PDE4B: variants seen among roughly 807,000 people sequenced by gnomAD.
PDE4B encodes the protein phosphodiesterase 4B.
A neutral mutation model predicts 82.2 loss-of-function variants in PDE4B; 20 were observed. The ratio of observed to expected loss-of-function variants is 0.24; its 90% CI spans 0.17 to 0.35. PDE4B has a LOEUF of 0.35. Ranked by LOEUF, PDE4B falls within the 10% of genes least tolerant of loss-of-function variation. The pLI is 1.00. For missense variants in PDE4B, 655 were observed against 907.2 expected (o/e 0.72, Z 3.57); for synonymous variants, 320 against 318.9 (o/e 1.00, Z -0.04).
intron 3 of PDE4B, among the ~76,000 whole-genome samples, chr1:66,151,059 G>C (rs1646383040): frequency 6.6e-6 from 1 of 152,116 alleles, no homozygotes; most frequent in Non-Finnish European, 1.5e-5. Flanking sequence ...TAATGAGTTG[G>C]AAAGTGTTTC....
chr1:65,804,087 G>C (rs530409662), intron 1 of PDE4B, among the ~76,000 whole-genome samples: 1 of 152,234 alleles, frequency 6.6e-6, no homozygotes, highest in East Asian at 1.9e-4. Context: ...TTCCTCTTTA[G>C]GCTTTTTAGG....
chr1:66,149,232 G>A (rs1443774607), intron 3 of PDE4B, among the ~76,000 whole-genome samples: 1 of 152,080 alleles, frequency 6.6e-6, no homozygotes, highest in Non-Finnish European at 1.5e-5. Context: ...ATGATGGTGA[G>A]TATCTTTTCA....
chr1:66,294,512 A>G (rs1305392108), intron 7 of PDE4B, among the ~76,000 whole-genome samples: 2 of 152,188 alleles, frequency 1.3e-5, no homozygotes, highest in African/African-American at 4.8e-5. Context: ...CGTAGCCCAA[A>G]TTAGCCAAAT....
At position 66,070,652 on chromosome 1, in the gene PDE4B, A is replaced by G. The variant is rs963011617; in HGVS notation, c.281+151817A>G. ...CAATTACCATAAAATATCGACCAAC[A>G]AAGATATTAGGAAGCAGGAAAGGAA... is the stretch of plus-strand genomic sequence containing the variant. On this transcript the variant is annotated intron_variant, in intron 3 of 16. Coordinates refer to ENST00000341517, the MANE Select transcript of PDE4B (RefSeq NM_002600.4). Among the ~76,000 whole-genome samples the G allele has an allele frequency of 3.9e-5, 6 of 152,154 alleles. No individual in the cohort carries two copies. In the South Asian group the frequency reaches 1.0e-3, roughly 26 times the overall value.
chr1:66,219,205 C>A lies in PDE4B; in HGVS notation c.282-28255C>A, dbSNP rs541060708. On this transcript the variant is annotated intron_variant, in intron 3 of 16. Coordinates refer to ENST00000341517, the MANE Select transcript of PDE4B (RefSeq NM_002600.4). ...TTTCTCCTGGAACATGGTGCAGTGG[C>A]GAGGGCAACATGATGGCAGGGGTTA... Among the ~76,000 whole-genome samples, 18 of 152,030 alleles carry A rather than the reference C, an allele frequency of 1.2e-4. 2 individuals carry two copies. The South Asian group carries it at 3.7e-3, about 32-fold the overall frequency.
intron 1 of PDE4B, among the ~76,000 whole-genome samples, chr1:65,874,058 G>T (rs529226072): frequency 6.6e-6 from 1 of 151,896 alleles, no homozygotes; most frequent in African/African-American, 2.4e-5. Context: ...AGCACGGAAT[G>T]TTCTTCCATT....
intron 3 of PDE4B, among the ~76,000 whole-genome samples, chr1:66,056,336 C>T (rs947255005): frequency 4.0e-5 from 6 of 150,444 alleles, no homozygotes; most frequent in African/African-American, 1.5e-4. Context: ...TGGCTGTGGT[C>T]AGAAGGGCAT....
chr1:65,825,103 GA>G (rs1645999010), intron 1 of PDE4B, among the ~76,000 whole-genome samples: 1 of 152,024 alleles, frequency 6.6e-6, no homozygotes, highest in African/African-American at 2.4e-5. Context: ...ATTAGAATTT[GA>G]AAAGCCAGAT....
intron 3 of PDE4B, among the ~76,000 whole-genome samples, chr1:66,127,667 C>G (rs951456466): frequency 6.6e-6 from 1 of 152,062 alleles, no homozygotes; most frequent in Non-Finnish European, 1.5e-5. Context: ...CAAGTATATT[C>G]AGGAGGTTGA....
intron 3 of PDE4B, among the ~76,000 whole-genome samples, chr1:65,930,960 G>A (rs975783299): frequency 6.6e-6 from 1 of 152,216 alleles, no homozygotes; most frequent in African/African-American, 2.4e-5. Context: ...CAAATCTCAT[G>A]TTCAATTGTA....
chr1:65,868,442 G>T (rs1483174096), intron 1 of PDE4B, among the ~76,000 whole-genome samples: 1 of 152,208 alleles, frequency 6.6e-6, no homozygotes. Flanking sequence ...ATTAGCCAGA[G>T]TTTCAAAGGA....
At chr1:66,046,604 G>A (rs1171250646) in intron 3 of PDE4B, among the ~76,000 whole-genome samples, 3 of 151,784 alleles carry the variant, frequency 2.0e-5, no homozygotes, top group South Asian at 2.1e-4. Flanking sequence ...CATGTCTGGC[G>A]AAAGTCAGCA....
rs1654809470 is a variant in PDE4B, at chr1:66,048,017, T to A, written c.281+129182T>A. 2.0e-5 allele frequency among the ~76,000 whole-genome samples: 3 copies of A among 151,892 alleles called. No individual in the cohort carries two copies. The South Asian group carries it at 6.2e-4, about 31-fold the overall frequency. ...TTCTTTCTTTGGATGGCGTCTACAG[T>A]TTGTCCTTGGCAGACCATTGCTATT... is the stretch of plus-strand genomic sequence containing the variant. On this transcript the variant is annotated intron_variant, in intron 3 of 16. Coordinates refer to ENST00000341517, the MANE Select transcript of PDE4B (RefSeq NM_002600.4).
At chr1:65,846,918 A>C (rs1646273886) in intron 1 of PDE4B, among the ~76,000 whole-genome samples, 1 of 152,200 alleles carries the variant, frequency 6.6e-6, no homozygotes, top group African/African-American at 2.4e-5. Context: ...AAAACAGTAC[A>C]TTCTTTGTGT....
At chr1:65,842,421 GTGGTATAATAAAACA>G (rs1362264448) in intron 1 of PDE4B, among the ~76,000 whole-genome samples, 6 of 152,088 alleles carry the variant, frequency 3.9e-5, no homozygotes. Flanking sequence ...GTCTTATTGA[GTGGTATAATAAAACA>G]TGCAAACAAC....
intron 3 of PDE4B, among the ~76,000 whole-genome samples, chr1:66,072,187 A>G (rs1656189109): frequency 6.6e-6 from 1 of 152,150 alleles, no homozygotes; most frequent in Non-Finnish European, 1.5e-5. Context: ...CTGAAGGTCC[A>G]TGAATACCAT....
Position 66,115,592 on chromosome 1 carries a change from A to G in PDE4B, c.282-131868A>G, listed in dbSNP as rs146049282. 1.3e-3 allele frequency among the ~76,000 whole-genome samples: 196 copies of G among 152,354 alleles called. 1 individual carries two copies. Among genetic ancestry groups the G allele is most frequent in the Middle Eastern group, 3.4e-3 (1 of 294 alleles). ...TGTTAATCAAACATGAAATTGTCTC[A>G]TATAGAATATAGAATGCCAGACTAT... On this transcript the variant is annotated intron_variant, in intron 3 of 16. Transcript: ENST00000341517.
At chr1:66,277,544 C>T (rs190257716) in intron 7 of PDE4B, among the ~76,000 whole-genome samples, 51 of 152,140 alleles carry the variant, frequency 3.4e-4, no homozygotes, top group African/African-American at 4.3e-4. Flanking sequence ...TACAGGTGTG[C>T]GCCACCACGC....
At chr1:66,319,878 G>GCATGCTATTC (rs1659280422) in intron 7 of PDE4B, among the ~76,000 whole-genome samples, 7 of 152,086 alleles carry the variant, frequency 4.6e-5, no homozygotes. Context: ...GTTTCCAATG[G>GCATGCTATTC]TTCCTTCTTG....
Sources: gnomAD v4.1 joint callset for allele counts (sites outside exome capture counted in the v4.1 genomes callset) on GRCh38, gnomAD v4.1.1 for gene constraint, MANE v1.5 for transcripts, NCBI Gene and HGNC (gene_info 2026-07-23, HGNC 2026-07-21) for gene names.